Variants in HGD observed in about 807,000 individuals in gnomAD.
The protein encoded by HGD is homogentisate 1,2-dioxygenase, also known as homogentisate oxidase.
In HGD, 61 loss-of-function variants were observed where a neutral mutation model predicts 60.8. That is an observed-to-expected ratio of 1.00 (90% confidence interval 0.82 to 1.24). The LOEUF is 1.24. Ranked by LOEUF, HGD falls within the 50% of genes most tolerant of loss-of-function variation. HGD has a pLI of 0.00. For synonymous variants in HGD, 212 were observed against 187.7 expected (o/e 1.13, Z -1.06); for missense variants, 542 against 547.1 (o/e 0.99, Z 0.09).
chr3:120,675,899 A>G, intron 1 of HGD, 36 bp from the exon 2 acceptor site: 1 of 1,526,878 alleles, frequency 6.5e-7, no homozygotes. Context: ...CACCATTAGC[A>G]GGATTTAAAG....
chr3:120,639,087 C>T (rs1940886307), intron 11 of HGD, among the ~76,000 whole-genome samples: 2 of 152,136 alleles, frequency 1.3e-5, no homozygotes, highest in Admixed American at 6.5e-5. Flanking sequence ...ATGTTAAACC[C>T]CTTTTTCTTT....
At chr3:120,648,328 C>T (rs1444335971) in intron 6 of HGD, among the ~76,000 whole-genome samples, 1 of 152,160 alleles carries the variant, frequency 6.6e-6, no homozygotes, top group Non-Finnish European at 1.5e-5. Flanking sequence ...AAGGAGGGCA[C>T]GCGGCAGCTT....
intron 4 of HGD, among the ~76,000 whole-genome samples, chr3:120,665,115 G>A (rs1707869742): frequency 6.6e-6 from 1 of 152,040 alleles, no homozygotes; most frequent in Non-Finnish European, 1.5e-5. Flanking sequence ...GGAGGGAAGG[G>A]GATTTCAGGA....
At chr3:120,678,943 T>C (rs762590589) in intron 1 of HGD, among the ~76,000 whole-genome samples, 21 of 152,242 alleles carry the variant, frequency 1.4e-4, no homozygotes, top group South Asian at 1.0e-3. Context: ...TCAGTGCCTA[T>C]GTAAAAGTAT....
chr3:120,638,665 T>C, intron 11 of HGD, 84 bp from the exon 12 acceptor site: 1 of 1,449,892 alleles, frequency 6.9e-7, no homozygotes, highest in Non-Finnish European at 9.6e-7. Flanking sequence ...TACATGAAGG[T>C]GTTTGCAAGT....
At chr3:120,644,298 C>A in intron 10 of HGD, 21 bp downstream of exon 10, 1 of 1,613,682 alleles carries the variant, frequency 6.2e-7, no homozygotes, top group South Asian at 1.1e-5. Flanking sequence ...CCTCCCTTGC[C>A]TGCCAACCCT....
intron 1 of HGD, among the ~76,000 whole-genome samples, chr3:120,680,286 G>T (rs1029644860): frequency 2.6e-5 from 4 of 152,132 alleles, no homozygotes; most frequent in Non-Finnish European, 5.9e-5. Context: ...TAAAAGATGA[G>T]AAACAGTTTT....
intron 4 of HGD, among the ~76,000 whole-genome samples, chr3:120,667,122 C>T (rs561407483): frequency 3.3e-5 from 5 of 151,676 alleles, no homozygotes; most frequent in East Asian, 3.9e-4. Flanking sequence ...CCCAGGAGTT[C>T]GAGACCAGCC....
At position 120,670,480 on chromosome 3, in the gene HGD, C is replaced by A. The variant is rs747126144; in HGVS notation, c.229G>T (p.Asp77Tyr). 1.9e-6 allele frequency: 3 copies of A among 1,611,562 alleles called. No homozygotes were observed. The highest frequency in any genetic ancestry group is 1.7e-6 in the Non-Finnish European group (2 of 1,177,734). The change falls in exon 4 of 14, where the codon GAC becomes TAC. Residue 77 changes from aspartate to tyrosine, a missense_variant. Physicochemically the swap from Asp to Tyr is radical, Grantham distance 160. Coordinates refer to ENST00000283871, the MANE Select transcript of HGD (RefSeq NM_000187.4). Reference protein sequence around the residue: ...SVSHKPFESIDEGQVTHNWDE... With the variant: ...SVSHKPFESIYEGQVTHNWDE... ...CAGTTGTGAGTGACTTGGCCTTCGTCAATGGATTCAAAGGGCTTGTGAGAA... is the reference window on the plus strand; with the variant it reads ...CAGTTGTGAGTGACTTGGCCTTCGTAAATGGATTCAAAGGGCTTGTGAGAA...
intron 1 of HGD, among the ~76,000 whole-genome samples, chr3:120,679,072 G>A (rs1394766892): frequency 6.6e-6 from 1 of 152,080 alleles, no homozygotes; most frequent in Non-Finnish European, 1.5e-5. Flanking sequence ...ATTTCTTTTC[G>A]AGAGAATTAT....
chr3:120,632,091 T>C (rs529097172), intron 13 of HGD, among the ~76,000 whole-genome samples: 24 of 152,252 alleles, frequency 1.6e-4, no homozygotes, highest in African/African-American at 4.8e-4. Context: ...AGAAACTCCA[T>C]AGAGGCCCTT....
At position 120,628,308 on chromosome 3, in the gene HGD, C is replaced by G; in HGVS notation, c.*72G>C. ...TTTTAACCAACCCCCTCCTCCAATACTACCAGAAAGCATGAGATTCTGAAG... is the reference window on the plus strand; with the variant it reads ...TTTTAACCAACCCCCTCCTCCAATAGTACCAGAAAGCATGAGATTCTGAAG... On this transcript the variant is annotated 3_prime_UTR_variant, in exon 14 of 14. Coordinates refer to ENST00000283871, the MANE Select transcript of HGD (RefSeq NM_000187.4). 1 of 1,528,812 alleles carries G rather than the reference C, an allele frequency of 6.5e-7. No homozygotes were observed. Among genetic ancestry groups the G allele is most frequent in the Non-Finnish European group, 9.1e-7 (1 of 1,103,836 alleles). 94.7% of individuals were successfully genotyped at this position (1,528,812 alleles called of 1,614,324 possible).
chr3:120,655,625 A>C (rs1230419760), intron 4 of HGD, among the ~76,000 whole-genome samples: 2 of 152,276 alleles, frequency 1.3e-5, no homozygotes, highest in East Asian at 3.9e-4. Context: ...GTGAGGAGGG[A>C]GATTTGAGCA....
At chr3:120,651,413 T>C (rs1941337626) in intron 5 of HGD, among the ~76,000 whole-genome samples, 1 of 152,148 alleles carries the variant, frequency 6.6e-6, no homozygotes, top group Admixed American at 6.5e-5. Flanking sequence ...AACACATGGG[T>C]CTTCTCAAAA....
At chr3:120,644,614 AG>A in intron 9 of HGD, 171 bp from the exon 10 acceptor site, 1 of 1,533,018 alleles carries the variant, frequency 6.5e-7, no homozygotes, top group Non-Finnish European at 8.7e-7. Flanking sequence ...GGAAGACCCA[AG>A]GAATCTGGTC....
At chr3:120,675,528 T>C (rs1307243008) in intron 2 of HGD, among the ~76,000 whole-genome samples, 1 of 152,164 alleles carries the variant, frequency 6.6e-6, no homozygotes, top group East Asian at 1.9e-4. Context: ...TGAGGGATTC[T>C]CTTTAACTCT....
intron 6 of HGD, among the ~76,000 whole-genome samples, chr3:120,649,931 C>T (rs943402695): frequency 1.3e-5 from 2 of 152,038 alleles, no homozygotes; most frequent in Admixed American, 1.3e-4. Flanking sequence ...CCACCACCCA[C>T]AAAACCCCTA....
chr3:120,634,750 A>C (rs1940704977), intron 12 of HGD, among the ~76,000 whole-genome samples: 1 of 152,164 alleles, frequency 6.6e-6, no homozygotes, highest in Non-Finnish European at 1.5e-5. Context: ...TTACATGTGA[A>C]GTATAACCAA....
chr3:120,659,039 G>A (rs543003688), intron 4 of HGD, among the ~76,000 whole-genome samples: 1 of 152,294 alleles, frequency 6.6e-6, no homozygotes, highest in South Asian at 2.1e-4. Flanking sequence ...TGCCCCAAAG[G>A]TCTGTGAAAT....
Sources: allele counts gnomAD v4.1 joint callset (sites outside exome capture counted in the v4.1 genomes callset), GRCh38; gene constraint gnomAD v4.1.1; transcripts MANE v1.5; gene names NCBI Gene and HGNC (gene_info 2026-07-23, HGNC 2026-07-21).